The following GALNTL6 variants were observed in gnomAD, a reference collection of about 807,000 sequenced individuals.
GALNTL6 encodes the protein polypeptide N-acetylgalactosaminyltransferase like 6.
GALNTL6 carries 46 observed loss-of-function variants against 73.7 expected under a neutral mutation model. The observed-to-expected ratio is 0.62, with a 90% CI of 0.49 to 0.80. GALNTL6 has a LOEUF of 0.80. Ranked by LOEUF, GALNTL6 falls within the 30% of genes least tolerant of loss-of-function variation. GALNTL6 has a pLI of 0.00. For missense variants in GALNTL6, 604 were observed against 755.0 expected (o/e 0.80, Z 2.34); for synonymous variants, 259 against 263.7 (o/e 0.98, Z 0.17).
At position 172,930,798 on chromosome 4, in the gene GALNTL6, G is replaced by C. The variant is rs143591980; in HGVS notation, c.1042-363G>C. 6.9e-3 allele frequency among the ~76,000 whole-genome samples: 1,050 copies of C among 152,220 alleles called. 8 individuals carry two copies. Among genetic ancestry groups the C allele is most frequent in the Non-Finnish European group, 9.2e-3 (629 of 68,012 alleles). ...GCCCAACTCAGCCTCCCAAGTAGCT[G>C]GGACTGAAGGCGCACACCACCACAC... On this transcript the variant is annotated intron_variant, in intron 8 of 12. Transcript: ENST00000506823.
At chr4:172,542,634 G>A (rs144964012) in intron 5 of GALNTL6, among the ~76,000 whole-genome samples, 68 of 152,162 alleles carry the variant, frequency 4.5e-4, no homozygotes, top group African/African-American at 1.6e-3. Context: ...AACATAATGA[G>A]GCATTTCAGA....
At chr4:172,487,206 TTC>T (rs1217123502) in intron 5 of GALNTL6, among the ~76,000 whole-genome samples, 1 of 150,178 alleles carries the variant, frequency 6.7e-6, no homozygotes, top group East Asian at 2.0e-4. Flanking sequence ...CTTTCTTTCT[TTC>T]TTTCTCCTTC....
At chr4:172,514,501 A>G (rs991819524) in intron 5 of GALNTL6, among the ~76,000 whole-genome samples, 1 of 152,184 alleles carries the variant, frequency 6.6e-6, no homozygotes, top group Non-Finnish European at 1.5e-5. Flanking sequence ...GCAAGCTACC[A>G]GTCTCTCTGC....
intron 2 of GALNTL6, among the ~76,000 whole-genome samples, chr4:172,115,901 A>G (rs1431125794): frequency 1.3e-5 from 2 of 152,060 alleles, no homozygotes; most frequent in African/African-American, 4.8e-5. Context: ...ACATTGCTTT[A>G]AAGCAATGCC....
In GALNTL6 at chr4:172,387,590, G is replaced by T. The variant is rs191311206; in HGVS notation, c.553+38901G>T. On this transcript the variant is annotated intron_variant, in intron 5 of 12. Coordinates refer to ENST00000506823, the MANE Select transcript of GALNTL6 (RefSeq NM_001034845.3). ...TCTCTTTTTGTCTTTGCCTTTGACA[G>T]TTTGTATATGATGTGTCTAAATGTG... Among the ~76,000 whole-genome samples, 1,173 of 152,132 alleles carry T rather than the reference G, an allele frequency of 7.7e-3. 4 individuals are homozygous for T. Among genetic ancestry groups the T allele is most frequent in the Middle Eastern group, 0.014 (4 of 294 alleles).
chr4:172,866,545 G>A (rs1390114246), intron 7 of GALNTL6, among the ~76,000 whole-genome samples: 6 of 152,200 alleles, frequency 3.9e-5, no homozygotes, highest in Admixed American at 6.5e-5. Flanking sequence ...ATGTTTAGAT[G>A]TTGATTATTG....
At chr4:171,872,857 A>T (rs1736175713) in intron 2 of GALNTL6, among the ~76,000 whole-genome samples, 1 of 152,196 alleles carries the variant, frequency 6.6e-6, no homozygotes, top group African/African-American at 2.4e-5. Flanking sequence ...TAGGACTCCA[A>T]CATGTCATTT....
chr4:172,804,443 CAT>C (rs1218720423), intron 5 of GALNTL6, among the ~76,000 whole-genome samples: 10 of 152,184 alleles, frequency 6.6e-5, no homozygotes, highest in Non-Finnish European at 2.9e-5. Flanking sequence ...TGTACTTAAA[CAT>C]AGAAATCCAT....
chr4:172,032,180 T>C (rs984690808), intron 2 of GALNTL6, among the ~76,000 whole-genome samples: 2 of 152,128 alleles, frequency 1.3e-5, no homozygotes, highest in African/African-American at 4.8e-5. Flanking sequence ...TCATACAATC[T>C]TATCCATTAC....
intron 2 of GALNTL6, among the ~76,000 whole-genome samples, chr4:171,891,597 G>A (rs1417054004): frequency 2.6e-5 from 4 of 152,030 alleles, no homozygotes; most frequent in East Asian, 3.9e-4. Flanking sequence ...AAAGTCTTTC[G>A]ACCATCAGTT....
chr4:172,779,781 A>G (rs879708167), intron 5 of GALNTL6, among the ~76,000 whole-genome samples: 2 of 152,232 alleles, frequency 1.3e-5, no homozygotes, highest in Non-Finnish European at 1.5e-5. Flanking sequence ...CTTAAAGCTA[A>G]TTCAAACAAT....
chr4:172,558,428 AGT>A (rs1736224433), intron 5 of GALNTL6, among the ~76,000 whole-genome samples: 1 of 152,186 alleles, frequency 6.6e-6, no homozygotes, highest in Non-Finnish European at 1.5e-5. Context: ...AGGTCACAAA[AGT>A]GAGCTCTTAG....
At chr4:172,178,971 C>T (rs1263880701) in intron 2 of GALNTL6, among the ~76,000 whole-genome samples, 2 of 109,862 alleles carry the variant, frequency 1.8e-5, no homozygotes. Context: ...CATGTCCCTA[C>T]AAAGGACATG....
intron 10 of GALNTL6, among the ~76,000 whole-genome samples, chr4:173,000,321 C>T (rs1187539604): frequency 2.0e-5 from 3 of 151,972 alleles, no homozygotes; most frequent in African/African-American, 7.3e-5. Flanking sequence ...TATATGTCTC[C>T]CGAAAAATAA....
intron 7 of GALNTL6, among the ~76,000 whole-genome samples, chr4:172,850,400 A>G (rs1462825354): frequency 6.6e-6 from 1 of 152,220 alleles, no homozygotes; most frequent in Non-Finnish European, 1.5e-5. Context: ...AAAGGAGTCC[A>G]GAATATATAG....
chr4:172,493,559 C>G (rs1320850832), intron 5 of GALNTL6, among the ~76,000 whole-genome samples: 1 of 152,100 alleles, frequency 6.6e-6, no homozygotes, highest in Non-Finnish European at 1.5e-5. Context: ...CCAGGTTTAA[C>G]CGACAAAAAT....
At chr4:172,657,104 C>T (rs1368756184) in intron 5 of GALNTL6, among the ~76,000 whole-genome samples, 1 of 152,104 alleles carries the variant, frequency 6.6e-6, no homozygotes, top group Non-Finnish European at 1.5e-5. Context: ...ACTTGTTAAC[C>T]ATTAGTCAAA....
Position 172,222,470 on chromosome 4 carries a change from T to C in GALNTL6, c.139-7186T>C, listed in dbSNP as rs568523908. On this transcript the variant is annotated intron_variant, in intron 2 of 12. Coordinates refer to ENST00000506823, the MANE Select transcript of GALNTL6 (RefSeq NM_001034845.3). ...AAATTTCACCCTGTAATTTGTGTGG[T>C]TAGCCTAAAAGATGTGTCATCAAGA... 3.9e-5 allele frequency among the ~76,000 whole-genome samples: 6 copies of C among 152,088 alleles called. No individual in the cohort carries two copies. The East Asian group carries it at 1.2e-3, about 29-fold the overall frequency.
chr4:172,466,900 G>A lies in GALNTL6; in HGVS notation c.553+118211G>A, dbSNP rs192376950. Among the ~76,000 whole-genome samples the A allele has an allele frequency of 3.4e-3, 519 of 151,084 alleles. 2 individuals carry two copies. The highest frequency in any genetic ancestry group is 0.011 in the South Asian group (55 of 4,826). On this transcript the variant is annotated intron_variant, in intron 5 of 12. Transcript: ENST00000506823. Reference sequence around the variant, plus strand: ...TCCTCTGAAAGGTTTCGAATCTTACGAGATTTGCATTTACATTTCACTTTG... The same window carrying A: ...TCCTCTGAAAGGTTTCGAATCTTACAAGATTTGCATTTACATTTCACTTTG...
Sources: allele counts gnomAD v4.1 joint callset (sites outside exome capture counted in the v4.1 genomes callset), GRCh38; gene constraint gnomAD v4.1.1; transcripts MANE v1.5; gene names NCBI Gene and HGNC (gene_info 2026-07-23, HGNC 2026-07-21).